Variants in PLA2G4A observed in about 807,000 individuals in gnomAD.
PLA2G4A encodes phospholipase A2 group IVA.
A neutral mutation model predicts 81.9 loss-of-function variants in PLA2G4A; 40 were observed. The ratio of observed to expected loss-of-function variants is 0.49; its 90% CI spans 0.38 to 0.64. The LOEUF (loss-of-function observed/expected upper bound fraction) is 0.64. Among genes scored for constraint, PLA2G4A ranks in the 30% least tolerant of loss-of-function variants. PLA2G4A has a pLI of 0.00. For synonymous variants in PLA2G4A, 302 were observed against 296.9 expected (o/e 1.02, Z -0.18); for missense variants, 715 against 905.1 (o/e 0.79, Z 2.69).
At chr1:186,965,714 G>A in intron 15 of PLA2G4A, 121 bp downstream of exon 15, 1 of 782,240 alleles carries the variant, frequency 1.3e-6, no homozygotes, top group South Asian at 1.4e-5. Context: ...ATCTTTATGA[G>A]TAATAGTTCT....
chr1:186,845,925 A>G (rs1448661805), intron 1 of PLA2G4A, among the ~76,000 whole-genome samples: 2 of 152,218 alleles, frequency 1.3e-5, no homozygotes, highest in Non-Finnish European at 2.9e-5. Flanking sequence ...GGGAAAGGAA[A>G]AAAAGAAAGG....
chr1:186,866,784 T>G (rs1032813766), intron 2 of PLA2G4A, among the ~76,000 whole-genome samples: 1 of 152,144 alleles, frequency 6.6e-6, no homozygotes, highest in African/African-American at 2.4e-5. Context: ...AGCATCATTA[T>G]GTATAATAAT....
Position 186,854,278 on chromosome 1 carries a change from T to C in PLA2G4A, c.-69-8T>C, listed in dbSNP as rs1652476690. 1 of 847,790 alleles carries C rather than the reference T, an allele frequency of 1.2e-6. No homozygotes were observed. The highest frequency in any genetic ancestry group is 2.4e-5 in the East Asian group (1 of 41,316). The allele number at this position is 847,790 out of a possible 1,614,324, so 52.5% of individuals were successfully genotyped here. A position where few individuals can be genotyped will look rare whatever the true frequency, so the allele number is the denominator to read the frequency against. On this transcript the variant is annotated splice_polypyrimidine_tract_variant and splice_region_variant and intron_variant, in intron 1 of 17. Coordinates refer to ENST00000367466, the MANE Select transcript of PLA2G4A (RefSeq NM_024420.3). ...GAAGCTTAACAATAGTGATTGTTTA[T>C]TTTGTAGGTTTTAAAGACGCTAGAG...
At chr1:186,965,869 G>A (rs1364176598) in intron 15 of PLA2G4A, among the ~76,000 whole-genome samples, 1 of 152,082 alleles carries the variant, frequency 6.6e-6, no homozygotes. Flanking sequence ...CTGAGATTTG[G>A]GAGTTAGCAA....
intron 1 of PLA2G4A, among the ~76,000 whole-genome samples, chr1:186,835,877 C>A (rs888035678): frequency 6.6e-6 from 1 of 150,686 alleles, no homozygotes; most frequent in African/African-American, 2.4e-5. Flanking sequence ...CTGTTGGATG[C>A]TTACTTATAA....
chr1:186,961,114 G>A (rs1033144971), intron 14 of PLA2G4A, among the ~76,000 whole-genome samples: 1 of 151,992 alleles, frequency 6.6e-6, no homozygotes, highest in African/African-American at 2.4e-5. Context: ...ACTGTTATGT[G>A]CAATCTAAAA....
intron 7 of PLA2G4A, among the ~76,000 whole-genome samples, chr1:186,928,727 G>C (rs1482722991): frequency 1.3e-5 from 2 of 152,160 alleles, no homozygotes; most frequent in Non-Finnish European, 2.9e-5. Flanking sequence ...GAATACTTCA[G>C]AATTTTCTTT....
At chr1:186,935,724 T>C (rs909009449) in intron 8 of PLA2G4A, among the ~76,000 whole-genome samples, 2 of 151,792 alleles carry the variant, frequency 1.3e-5, no homozygotes, top group African/African-American at 4.8e-5. Context: ...AAGGAAGGAA[T>C]TCGGAAAGTC....
At chr1:186,887,036 G>A (rs149582111) in intron 3 of PLA2G4A, among the ~76,000 whole-genome samples, 1 of 152,208 alleles carries the variant, frequency 6.6e-6, no homozygotes, top group African/African-American at 2.4e-5. Flanking sequence ...CATTTTTAAC[G>A]GCACTGCAGA....
chr1:186,833,477 C>A (rs985599243), intron 1 of PLA2G4A, among the ~76,000 whole-genome samples: 3 of 152,094 alleles, frequency 2.0e-5, no homozygotes, highest in Non-Finnish European at 4.4e-5. Flanking sequence ...TCAGTTCTGG[C>A]CAACTCTTTG....
intron 15 of PLA2G4A, among the ~76,000 whole-genome samples, chr1:186,970,484 A>G (rs895533532): frequency 1.2e-4 from 19 of 152,034 alleles, no homozygotes; most frequent in African/African-American, 4.3e-4. Context: ...CTTTGCCCAG[A>G]TCAGTGTCCT....
At chr1:186,883,028 A>G (rs943011934) in intron 3 of PLA2G4A, among the ~76,000 whole-genome samples, 1 of 152,024 alleles carries the variant, frequency 6.6e-6, no homozygotes, top group Non-Finnish European at 1.5e-5. Context: ...TTTGTCTTAC[A>G]TTTAGGAAAA....
At chr1:186,932,662 G>C (rs1354552747) in intron 7 of PLA2G4A, 101 bp from the exon 8 acceptor site, 1 of 1,201,320 alleles carries the variant, frequency 8.3e-7, no homozygotes, top group African/African-American at 1.5e-5. Context: ...ACACTTCTTT[G>C]TGACAAAATA....
At chr1:186,898,859 A>G (rs985549666) in intron 5 of PLA2G4A, among the ~76,000 whole-genome samples, 4 of 152,324 alleles carry the variant, frequency 2.6e-5, no homozygotes, top group Admixed American at 6.5e-5. Context: ...TAATAAATGG[A>G]CAGTGCAGGC....
At chr1:186,858,335 A>G (rs1652668256) in intron 2 of PLA2G4A, among the ~76,000 whole-genome samples, 1 of 151,986 alleles carries the variant, frequency 6.6e-6, no homozygotes. Flanking sequence ...TGTGGTTTTG[A>G]TTTGTATTTC....
chr1:186,925,074 T>C (rs1655501724), intron 7 of PLA2G4A, among the ~76,000 whole-genome samples: 1 of 151,854 alleles, frequency 6.6e-6, no homozygotes. Flanking sequence ...AAGAAATTTC[T>C]CTCTAGCCTA....
At chr1:186,976,871 A>C (rs927057142) in intron 15 of PLA2G4A, among the ~76,000 whole-genome samples, 2 of 152,222 alleles carry the variant, frequency 1.3e-5, no homozygotes, top group Non-Finnish European at 2.9e-5. Flanking sequence ...CTTACATGCC[A>C]GCAGTCATAA....
At chr1:186,974,119 A>AT (rs547375855) in intron 15 of PLA2G4A, among the ~76,000 whole-genome samples, 3 of 151,570 alleles carry the variant, frequency 2.0e-5, no homozygotes, top group Non-Finnish European at 2.9e-5. Flanking sequence ...ATATATTTAT[A>AT]TTTTTTTACA....
intron 14 of PLA2G4A, among the ~76,000 whole-genome samples, chr1:186,961,021 G>A (rs775746115): frequency 6.6e-6 from 1 of 152,078 alleles, no homozygotes; most frequent in Non-Finnish European, 1.5e-5. Context: ...TACTGGTTTG[G>A]CTTGGTTTTT....
Sources: gnomAD v4.1 joint callset for allele counts (sites outside exome capture counted in the v4.1 genomes callset) on GRCh38, gnomAD v4.1.1 for gene constraint, MANE v1.5 for transcripts, NCBI Gene and HGNC (gene_info 2026-07-23, HGNC 2026-07-21) for gene names.